PTPDC1: variants seen among roughly 807,000 people sequenced by gnomAD.
PTPDC1 encodes the protein protein tyrosine phosphatase domain containing 1.
A neutral mutation model predicts 75.3 loss-of-function variants in PTPDC1; 53 were observed. The ratio of observed to expected loss-of-function variants is 0.70; its 90% CI spans 0.56 to 0.88. PTPDC1 has a LOEUF of 0.88. PTPDC1 is among the 40% of genes least tolerant of loss of function. The pLI is 0.00. For synonymous variants in PTPDC1, 349 were observed against 366.2 expected (o/e 0.95, Z 0.54); for missense variants, 925 against 998.6 (o/e 0.93, Z 0.99).
intron 1 of PTPDC1, among the ~76,000 whole-genome samples, chr9:94,031,336 C>T (rs1829722557): frequency 6.6e-6 from 1 of 152,018 alleles, no homozygotes; most frequent in African/African-American, 2.4e-5. Flanking sequence ...AGAACCCCCA[C>T]GTTCTGGGGT....
chr9:94,079,870 G>A (rs187516143), upstream of PTPDC1, among the ~76,000 whole-genome samples: 39 of 152,312 alleles, frequency 2.6e-4, 1 homozygote, highest in Admixed American at 2.4e-3. Context: ...TTGCCTAAGT[G>A]TGGAATCTTT....
chr9:94,061,098 T>C (rs1244348851), intron 1 of PTPDC1, among the ~76,000 whole-genome samples: 1 of 151,940 alleles, frequency 6.6e-6, no homozygotes, highest in East Asian at 1.9e-4. Context: ...TAAGATACAA[T>C]GGGGATATAG....
intron 6 of PTPDC1, chr9:94,101,064 T>C (rs1827820158): frequency 6.6e-6 from 1 of 152,290 alleles, no homozygotes; most frequent in African/African-American, 2.4e-5. Flanking sequence ...TTTATTTTAT[T>C]TTTGCAGACT....
chr9:94,064,719 T>A (rs775032647), intron 1 of PTPDC1: 6 of 1,587,338 alleles, frequency 3.8e-6, no homozygotes, highest in Non-Finnish European at 5.2e-6. Flanking sequence ...CAAAAAATAA[T>A]TTTTTTTCCA....
intron 2 of PTPDC1, among the ~76,000 whole-genome samples, chr9:94,066,886 A>T (rs1826327103): frequency 6.6e-6 from 1 of 152,170 alleles, no homozygotes; most frequent in African/African-American, 2.4e-5. Context: ...AAAAAATAAA[A>T]AAACTTTTAT....
intron 1 of PTPDC1, among the ~76,000 whole-genome samples, chr9:94,041,325 T>C (rs1454513254): frequency 6.6e-6 from 1 of 152,228 alleles, no homozygotes; most frequent in Non-Finnish European, 1.5e-5. Context: ...TTCCATCTGA[T>C]GCTGCCGTTT....
At chr9:94,043,127 C>T (rs1378937514) in intron 1 of PTPDC1, among the ~76,000 whole-genome samples, 5 of 152,224 alleles carry the variant, frequency 3.3e-5, no homozygotes, top group Non-Finnish European at 1.5e-5. Flanking sequence ...TCAGCTTCTT[C>T]CTAACTCCTG....
At chr9:94,044,338 A>G (rs145107147) in intron 1 of PTPDC1, among the ~76,000 whole-genome samples, 3 of 152,350 alleles carry the variant, frequency 2.0e-5, no homozygotes, top group African/African-American at 7.2e-5. Context: ...GTACATGTGC[A>G]GGATGTGCAG....
intron 4 of PTPDC1, among the ~76,000 whole-genome samples, chr9:94,094,833 C>G (rs150028569): frequency 6.6e-6 from 1 of 152,168 alleles, no homozygotes; most frequent in Non-Finnish European, 1.5e-5. Flanking sequence ...GGGAGTGACC[C>G]GACTTTCCAG....
At chr9:94,062,190 G>A (rs868043330) in intron 1 of PTPDC1, among the ~76,000 whole-genome samples, 2 of 152,078 alleles carry the variant, frequency 1.3e-5, no homozygotes, top group Admixed American at 1.3e-4. Context: ...CCTAGGGCAG[G>A]GGCACAATCC....
upstream of PTPDC1, among the ~76,000 whole-genome samples, chr9:94,083,242 C>T (rs940202668): frequency 4.6e-5 from 7 of 152,158 alleles, no homozygotes; most frequent in African/African-American, 1.7e-4. Flanking sequence ...GAGGGCCTTG[C>T]CTAGAATAAT....
intron 1 of PTPDC1, among the ~76,000 whole-genome samples, chr9:94,055,012 C>CAATTGT (rs1406749371): frequency 2.6e-5 from 4 of 152,228 alleles, no homozygotes; most frequent in African/African-American, 9.6e-5. Flanking sequence ...TCCTGCCACA[C>CAATTGT]ACAGTGGAGC....
At chr9:94,041,211 A>G (rs1941703884) in intron 1 of PTPDC1, among the ~76,000 whole-genome samples, 2 of 152,220 alleles carry the variant, frequency 1.3e-5, no homozygotes, top group Admixed American at 1.3e-4. Flanking sequence ...AAACAGAGAT[A>G]CTAAGCAAGG....
chr9:94,038,089 C>T (rs1018788341), intron 1 of PTPDC1: 24 of 546,780 alleles, frequency 4.4e-5, no homozygotes, highest in African/African-American at 4.4e-4. Flanking sequence ...AGTGACACAC[C>T]GTGGAAAAGG....
intron 1 of PTPDC1, among the ~76,000 whole-genome samples, chr9:94,055,949 T>A (rs1414476399): frequency 6.6e-6 from 1 of 152,088 alleles, no homozygotes; most frequent in Non-Finnish European, 1.5e-5. Flanking sequence ...AGAGTTAACA[T>A]AATGTTAACT....
intron 2 of PTPDC1, among the ~76,000 whole-genome samples, chr9:94,067,007 A>G (rs193300396): frequency 6.6e-6 from 1 of 152,314 alleles, no homozygotes; most frequent in Admixed American, 6.5e-5. Flanking sequence ...CCCAGCTTTA[A>G]CAATCTCAGC....
intron 8 of PTPDC1, among the ~76,000 whole-genome samples, chr9:94,106,716 G>A (rs1828034458): frequency 6.6e-6 from 1 of 152,168 alleles, no homozygotes; most frequent in African/African-American, 2.4e-5. Context: ...CAGAGAGGGA[G>A]AAATTCCAGA....
chr9:94,072,310 T>C (rs1387140125), intron 2 of PTPDC1, among the ~76,000 whole-genome samples: 4 of 152,112 alleles, frequency 2.6e-5, no homozygotes, highest in Non-Finnish European at 5.9e-5. Context: ...CTGGCCTAGG[T>C]ATTGTGTTTT....
At chr9:94,089,040 C>CT (rs572095911) in intron 4 of PTPDC1, among the ~76,000 whole-genome samples, 131 of 141,058 alleles carry the variant, frequency 9.3e-4, no homozygotes, top group African/African-American at 2.0e-3. Context: ...CAGGAAATGT[C>CT]TTTTTTTTTT....
Sources: gnomAD v4.1 joint callset for allele counts (sites outside exome capture counted in the v4.1 genomes callset) on GRCh38, gnomAD v4.1.1 for gene constraint, MANE v1.5 for transcripts, NCBI Gene and HGNC (gene_info 2026-07-23, HGNC 2026-07-21) for gene names.